GLP2R: variants seen among roughly 807,000 people sequenced by gnomAD.
GLP2R encodes the protein glucagon like peptide 2 receptor.
In GLP2R, 59 loss-of-function variants were observed where a neutral mutation model predicts 68.2. The ratio of observed to expected loss-of-function variants is 0.87; its 90% CI spans 0.70 to 1.07. The LOEUF (loss-of-function observed/expected upper bound fraction) is 1.07. Among genes scored for constraint, GLP2R ranks in the 50% least tolerant of loss-of-function variants. GLP2R has a pLI of 0.00. For synonymous variants in GLP2R, 270 were observed against 265.4 expected (o/e 1.02, Z -0.17); for missense variants, 548 against 677.4 (o/e 0.81, Z 2.12).
chr17:9,865,777 A>G, intron 9 of GLP2R: 1 of 469,770 alleles, frequency 2.1e-6, no homozygotes, highest in Admixed American at 2.4e-5. Flanking sequence ...AATATTTCAC[A>G]ATCACCCTCA....
At chr17:9,870,908 T>A (rs539542285) in intron 10 of GLP2R, 73 bp downstream of exon 10, 1 of 775,376 alleles carries the variant, frequency 1.3e-6, no homozygotes, top group South Asian at 1.4e-5. Flanking sequence ...CCCGCTGTCT[T>A]GGGAAGGACA....
chr17:9,854,569 C>T lies in GLP2R; in HGVS notation c.579C>T (p.Leu193=), dbSNP rs1324265248. The T allele has an allele frequency of 3.7e-6, 6 of 1,609,988 alleles. No individual in the cohort carries two copies. The highest frequency in any genetic ancestry group is 5.1e-6 in the Non-Finnish European group (6 of 1,176,240). ...GATACTCCTTCTCTCTTATCTCCCTCTTCCTGGCTCTCACCCTCCTCTTGT... is the reference window on the plus strand; with the variant it reads ...GATACTCCTTCTCTCTTATCTCCCTTTTCCTGGCTCTCACCCTCCTCTTGT... The part of the protein sequence containing the change: ...TVGYSFSLIS[L]FLALTLLLFL... The change falls in exon 5 of 13, where the codon CTC becomes CTT. Residue 193 remains leucine, a synonymous_variant. Coordinates refer to ENST00000262441, the MANE Select transcript of GLP2R (RefSeq NM_004246.3).
chr17:9,847,355 C>T (rs529440520), intron 4 of GLP2R, among the ~76,000 whole-genome samples: 9 of 152,172 alleles, frequency 5.9e-5, no homozygotes, highest in East Asian at 1.9e-4. Context: ...CTGCAACCTC[C>T]GCCTTCCGGT....
chr17:9,865,258 G>A (rs1046697510), intron 9 of GLP2R, among the ~76,000 whole-genome samples: 7 of 152,094 alleles, frequency 4.6e-5, no homozygotes, highest in Non-Finnish European at 1.0e-4. Flanking sequence ...ATCTCTCCAA[G>A]CCATTTCCTT....
intron 4 of GLP2R, among the ~76,000 whole-genome samples, chr17:9,848,180 C>G (rs1176343854): frequency 1.3e-5 from 2 of 152,186 alleles, no homozygotes; most frequent in Non-Finnish European, 2.9e-5. Flanking sequence ...CGGTTTATCT[C>G]AAGAATTTGT....
At chr17:9,875,624 G>C (rs1166698426) in intron 10 of GLP2R, among the ~76,000 whole-genome samples, 1 of 152,176 alleles carries the variant, frequency 6.6e-6, no homozygotes, top group African/African-American at 2.4e-5. Flanking sequence ...AATAAAAAAT[G>C]GTCCATCTGT....
chr17:9,871,048 A>C (rs17208157), intron 10 of GLP2R, among the ~76,000 whole-genome samples: 1 of 152,174 alleles, frequency 6.6e-6, no homozygotes, highest in African/African-American at 2.4e-5. Context: ...AAGGGCATTC[A>C]CATCCCCCAG....
chr17:9,859,846 A>AAAAGT, intron 6 of GLP2R, 96 bp from the exon 7 acceptor site: 1 of 540,430 alleles, frequency 1.9e-6, no homozygotes, highest in Non-Finnish European at 2.8e-6. Flanking sequence ...AAAAAAAAAA[A>AAAAGT]GAGGGAGAGG....
At chr17:9,850,706 T>G (rs1229612868) in intron 4 of GLP2R, among the ~76,000 whole-genome samples, 1 of 136,356 alleles carries the variant, frequency 7.3e-6, no homozygotes, top group Non-Finnish European at 1.5e-5. Flanking sequence ...TTTTTTTTTT[T>G]TTTGAGCCGG....
At chr17:9,853,308 T>G (rs1232833351) in intron 4 of GLP2R, 2 of 248,252 alleles carry the variant, frequency 8.1e-6, no homozygotes, top group African/African-American at 4.6e-5. Flanking sequence ...GAGTCCTCCA[T>G]GGGGTGGTGG....
At chr17:9,876,169 G>T (rs553006048) in intron 10 of GLP2R, among the ~76,000 whole-genome samples, 2 of 152,140 alleles carry the variant, frequency 1.3e-5, no homozygotes, top group East Asian at 3.9e-4. Flanking sequence ...GAGCCACTGC[G>T]CCCGGCCCGA....
chr17:9,847,570 C>A (rs747600508), intron 4 of GLP2R, among the ~76,000 whole-genome samples: 4 of 151,956 alleles, frequency 2.6e-5, no homozygotes, highest in Non-Finnish European at 4.4e-5. Context: ...GCCCGGCCAT[C>A]GTTTAATTTT....
Position 9,874,362 on chromosome 17 carries a change from TAAG to T in GLP2R, c.1145+3536_1145+3538del, listed in dbSNP as rs200805298. Among the ~76,000 whole-genome samples, 768 of 152,270 alleles carry T rather than the reference TAAG, an allele frequency of 5.0e-3. 12 individuals are homozygous for T. Among genetic ancestry groups the T allele is most frequent in the African/African-American group, 0.017 (721 of 41,564 alleles). ...CCTGCCCTTGTTCAAAGAAAAAGCT[TAAG>T]AAGAAGAACTTGGGGCTGGGTGCAG... On this transcript the variant is annotated intron_variant, in intron 10 of 12. Coordinates refer to ENST00000262441, the MANE Select transcript of GLP2R (RefSeq NM_004246.3).
At chr17:9,845,671 G>T (rs2066830178) in intron 4 of GLP2R, among the ~76,000 whole-genome samples, 1 of 152,028 alleles carries the variant, frequency 6.6e-6, no homozygotes, top group African/African-American at 2.4e-5. Flanking sequence ...TAGTTCACTT[G>T]TCATTGTGAG....
chr17:9,869,568 G>A (rs1463011024), intron 9 of GLP2R, among the ~76,000 whole-genome samples: 1 of 152,248 alleles, frequency 6.6e-6, no homozygotes, highest in Non-Finnish European at 1.5e-5. Flanking sequence ...AGGCTTGGCT[G>A]GGGCTGGAGG....
intron 9 of GLP2R, among the ~76,000 whole-genome samples, chr17:9,864,309 G>A (rs2067014212): frequency 6.6e-6 from 1 of 152,196 alleles, no homozygotes; most frequent in Non-Finnish European, 1.5e-5. Flanking sequence ...ATCCGAGTCT[G>A]CATTGGAACA....
intron 9 of GLP2R, among the ~76,000 whole-genome samples, chr17:9,867,128 A>G (rs760692939): frequency 4.6e-5 from 7 of 152,200 alleles, no homozygotes; most frequent in Non-Finnish European, 7.3e-5. Flanking sequence ...ACTTGGTCAA[A>G]TTTGAGCCTG....
intron 1 of GLP2R, among the ~76,000 whole-genome samples, chr17:9,826,630 G>A (rs1247195795): frequency 6.6e-6 from 1 of 152,138 alleles, no homozygotes; most frequent in Non-Finnish European, 1.5e-5. Flanking sequence ...CCAGCTTTGA[G>A]TATTTAGGTT....
intron 4 of GLP2R, 23 bp downstream of exon 4, chr17:9,842,639 G>C (rs1360009521): frequency 6.2e-7 from 1 of 1,612,294 alleles, no homozygotes; most frequent in Non-Finnish European, 8.5e-7. Flanking sequence ...AGCTCAGTGA[G>C]GAGGCATCCA....
Sources: allele counts gnomAD v4.1 joint callset (sites outside exome capture counted in the v4.1 genomes callset), GRCh38; gene constraint gnomAD v4.1.1; transcripts MANE v1.5; gene names NCBI Gene and HGNC (gene_info 2026-07-23, HGNC 2026-07-21).